Variants in KLRG1 observed in about 807,000 individuals in gnomAD.
KLRG1 encodes killer cell lectin like receptor G1, also known as killer cell lectin-like receptor subfamily G member 1.
A neutral mutation model predicts 21.8 loss-of-function variants in KLRG1; 16 were observed. The observed-to-expected ratio is 0.73, with a 90% confidence interval of 0.50 to 1.11. The LOEUF (loss-of-function observed/expected upper bound fraction) is 1.11. Ranked by LOEUF, KLRG1 falls within the 50% of genes most tolerant of loss-of-function variation. The pLI is 0.00. For synonymous variants in KLRG1, 69 were observed against 75.9 expected, an observed-to-expected ratio of 0.91 and a Z score of 0.47; for missense variants, 173 against 218.3, an observed-to-expected ratio of 0.79 and a Z score of 1.31.
chr12:9,101,547 G>A, the KLRG1 span: 1 of 1,614,012 alleles, frequency 6.2e-7, no homozygotes. Context: ...TAGTTCATGA[G>A]ACATGGGCTC....
chr12:9,126,755 C>A, the KLRG1 span, among the ~76,000 whole-genome samples: 1 of 152,206 alleles, frequency 6.6e-6, no homozygotes, highest in Non-Finnish European at 1.5e-5. Flanking sequence ...CTGATCACTG[C>A]CTGAAACTTC....
chr12:9,135,591 A>T, the KLRG1 span: 3 of 320,156 alleles, frequency 9.4e-6, no homozygotes, highest in Non-Finnish European at 1.8e-5. Flanking sequence ...TGACTGTATC[A>T]GGTTAAGATG....
the KLRG1 span, among the ~76,000 whole-genome samples, chr12:9,114,824 A>C: frequency 6.6e-6 from 1 of 152,148 alleles, no homozygotes; most frequent in Non-Finnish European, 1.5e-5. Context: ...TAAATATTAA[A>C]CATTTCCTTC....
At chr12:8,990,472 A>T (rs1303502402) in intron 1 of KLRG1, 7 of 152,228 alleles carry the variant, frequency 4.6e-5, no homozygotes, top group African/African-American at 1.7e-4. Flanking sequence ...TACTATTATA[A>T]TTTTTAATGT....
At chr12:9,202,124 A>G in the KLRG1 span, among the ~76,000 whole-genome samples, 4 of 152,210 alleles carry the variant, frequency 2.6e-5, no homozygotes, top group Non-Finnish European at 4.4e-5. Context: ...AAATACTGTT[A>G]TAAGAGAAAG....
chr12:9,056,191 C>T, the KLRG1 span, among the ~76,000 whole-genome samples: 1 of 152,082 alleles, frequency 6.6e-6, no homozygotes, highest in African/African-American at 2.4e-5. Context: ...TTCAACGGGA[C>T]AGGGCTATGT....
chr12:9,109,385 G>T, the KLRG1 span: 4 of 1,612,998 alleles, frequency 2.5e-6, no homozygotes, highest in South Asian at 3.3e-5. Context: ...ACTGTTACTT[G>T]TACTTCAAAC....
At chr12:9,003,042 A>G (rs1324516374) in intron 3 of KLRG1, among the ~76,000 whole-genome samples, 1 of 152,020 alleles carries the variant, frequency 6.6e-6, no homozygotes, top group Non-Finnish European at 1.5e-5. Context: ...CATAATAAAC[A>G]TTTTCAATAT....
intron 3 of KLRG1, among the ~76,000 whole-genome samples, chr12:8,999,216 T>C (rs1298291618): frequency 6.6e-6 from 1 of 152,220 alleles, no homozygotes; most frequent in African/African-American, 2.4e-5. Context: ...TCTTGATTTT[T>C]CTTGCCATTT....
At chr12:9,049,989 G>A in the KLRG1 span, among the ~76,000 whole-genome samples, 1 of 152,018 alleles carries the variant, frequency 6.6e-6, no homozygotes, top group East Asian at 1.9e-4. Flanking sequence ...GCATAACTAC[G>A]CTGGGAACAC....
chr12:9,164,736 T>G, the KLRG1 span, among the ~76,000 whole-genome samples: 1 of 152,194 alleles, frequency 6.6e-6, no homozygotes, highest in African/African-American at 2.4e-5. Context: ...ATTACATAAT[T>G]TACAAAGAGA....
chr12:9,201,722 C>T, the KLRG1 span, among the ~76,000 whole-genome samples: 2 of 151,920 alleles, frequency 1.3e-5, no homozygotes, highest in Non-Finnish European at 2.9e-5. Flanking sequence ...TGATTTAGAC[C>T]TAACAGAAAT....
At chr12:9,194,743 C>T in the KLRG1 span, among the ~76,000 whole-genome samples, 1 of 152,068 alleles carries the variant, frequency 6.6e-6, no homozygotes, top group Non-Finnish European at 1.5e-5. Context: ...GGATTACAGG[C>T]GTGAGCCACC....
the KLRG1 span, chr12:9,099,524 C>A: frequency 2.6e-5 from 41 of 1,606,352 alleles, no homozygotes; most frequent in Non-Finnish European, 3.5e-5. Context: ...TGGCCCTTCA[C>A]TGGGGCACAA....
the KLRG1 span, chr12:9,076,953 A>G: frequency 6.4e-7 from 1 of 1,560,546 alleles, no homozygotes; most frequent in Admixed American, 1.8e-5. Context: ...AGGCAGAACA[A>G]GAAGGGAACT....
At chr12:9,205,125 T>C in the KLRG1 span, among the ~76,000 whole-genome samples, 3 of 152,198 alleles carry the variant, frequency 2.0e-5, no homozygotes, top group African/African-American at 4.8e-5. Flanking sequence ...ATATGAGTAC[T>C]AAAAGTCATA....
At chr12:9,009,299 T>G (rs1947575249) in intron 4 of KLRG1, 127 bp from the exon 5 acceptor site, 4 of 1,211,344 alleles carry the variant, frequency 3.3e-6, no homozygotes, top group Admixed American at 5.5e-5. Context: ...TTAATTCTTC[T>G]GCTGTTTGGG....
chr12:8,967,358 TAAA>T (rs1302006271), intron 1 of KLRG1, among the ~76,000 whole-genome samples: 1 of 152,030 alleles, frequency 6.6e-6, no homozygotes, highest in Non-Finnish European at 1.5e-5. Flanking sequence ...TAAAATAAAA[TAAA>T]ATAAATGTTA....
chr12:9,060,180 A>G, the KLRG1 span, among the ~76,000 whole-genome samples: 4 of 149,264 alleles, frequency 2.7e-5, no homozygotes, highest in Non-Finnish European at 4.4e-5. Context: ...AATTTTTTGT[A>G]TTTTGTTTGT....
Sources: allele counts gnomAD v4.1 joint callset (sites outside exome capture counted in the v4.1 genomes callset), GRCh38; gene constraint gnomAD v4.1.1; transcripts MANE v1.5; gene names NCBI Gene and HGNC (gene_info 2026-07-23, HGNC 2026-07-21).